PACS1: variants seen among roughly 807,000 people sequenced by gnomAD.
The protein encoded by PACS1 is PACS-1.
Under a neutral mutation model 115.0 loss-of-function variants are expected in PACS1, and 24 were observed. That is an observed-to-expected ratio of 0.21 (90% CI 0.15 to 0.29). The LOEUF (loss-of-function observed/expected upper bound fraction) is 0.29, where lower values mean the gene tolerates loss of function less well. Among genes scored for constraint, PACS1 ranks in the 10% least tolerant of loss-of-function variants. The pLI is 1.00. For missense variants in PACS1, 838 were observed against 1,251.2 expected (o/e 0.67, Z 4.98); for synonymous variants, 453 against 504.5 (o/e 0.90, Z 1.37).
chr11:66,202,840 T>G (rs1432310101), intron 2 of PACS1, among the ~76,000 whole-genome samples: 1 of 141,540 alleles, frequency 7.1e-6, no homozygotes, highest in Non-Finnish European at 1.5e-5. Flanking sequence ...CCTCAAAAAA[T>G]GGGTATAAAA....
chr11:66,166,261 C>T (rs1859599438), intron 1 of PACS1, among the ~76,000 whole-genome samples: 1 of 152,146 alleles, frequency 6.6e-6, no homozygotes, highest in Non-Finnish European at 1.5e-5. Context: ...AATTCTCATG[C>T]CTCAGCCTCC....
chr11:66,226,483 A>G (rs762525754), intron 10 of PACS1, among the ~76,000 whole-genome samples: 3 of 152,170 alleles, frequency 2.0e-5, no homozygotes, highest in Non-Finnish European at 1.5e-5. Context: ...GAGGCCAGGG[A>G]TGCTGCCAGA....
At chr11:66,204,483 A>G (rs532798903) in intron 2 of PACS1, among the ~76,000 whole-genome samples, 10 of 152,136 alleles carry the variant, frequency 6.6e-5, no homozygotes, top group Non-Finnish European at 1.5e-4. Context: ...AATAGTATGG[A>G]GTTTCCTCAA....
intron 1 of PACS1, among the ~76,000 whole-genome samples, chr11:66,097,303 A>T (rs1426054641): frequency 1.3e-5 from 2 of 152,036 alleles, no homozygotes; most frequent in South Asian, 2.1e-4. Context: ...TCCCAGTCAG[A>T]TCGTAATGCT....
chr11:66,105,016 G>A (rs1858003126), intron 1 of PACS1, among the ~76,000 whole-genome samples: 1 of 152,128 alleles, frequency 6.6e-6, no homozygotes, highest in Non-Finnish European at 1.5e-5. Context: ...GGGGGAACAA[G>A]GATGATATAT....
chr11:66,136,387 T>C (rs569236428), intron 1 of PACS1, among the ~76,000 whole-genome samples: 2 of 150,350 alleles, frequency 1.3e-5, no homozygotes, highest in African/African-American at 4.9e-5. Flanking sequence ...TATTCCTGAG[T>C]GCAGGAGTTA....
intron 1 of PACS1, among the ~76,000 whole-genome samples, chr11:66,180,155 T>C (rs374842365): frequency 4.9e-4 from 74 of 152,164 alleles, no homozygotes; most frequent in African/African-American, 1.6e-3. Flanking sequence ...TTTTTATATT[T>C]TAATTTGATA....
At chr11:66,159,259 G>T (rs1859434943) in intron 1 of PACS1, among the ~76,000 whole-genome samples, 1 of 152,136 alleles carries the variant, frequency 6.6e-6, no homozygotes, top group South Asian at 2.1e-4. Flanking sequence ...CCAACATGGG[G>T]AAACCCCATC....
At chr11:66,096,867 T>TC (rs1565104787) in intron 1 of PACS1, among the ~76,000 whole-genome samples, 1 of 144,196 alleles carries the variant, frequency 6.9e-6, no homozygotes, top group Non-Finnish European at 1.5e-5. Context: ...CTCTCTCTCT[T>TC]TTTTTTTTTT....
intron 1 of PACS1, among the ~76,000 whole-genome samples, chr11:66,186,660 GCATGTGCC>G (rs774145442): frequency 2.0e-5 from 3 of 152,244 alleles, no homozygotes; most frequent in Non-Finnish European, 4.4e-5. Context: ...GACCAGAACA[GCATGTGCC>G]TCATTATAAG....
At chr11:66,102,740 A>G (rs1857948403) in intron 1 of PACS1, among the ~76,000 whole-genome samples, 2 of 152,190 alleles carry the variant, frequency 1.3e-5, no homozygotes, top group Admixed American at 1.3e-4. Context: ...CTGTAGGAAA[A>G]TTGAGGGAAA....
At chr11:66,092,231 G>A (rs556907814) in intron 1 of PACS1, among the ~76,000 whole-genome samples, 1 of 152,200 alleles carries the variant, frequency 6.6e-6, no homozygotes, top group Admixed American at 6.5e-5. Context: ...GTGTGAGATG[G>A]TATCTCATTG....
At chr11:66,195,952 G>A (rs1156746969) in intron 2 of PACS1, among the ~76,000 whole-genome samples, 2 of 152,206 alleles carry the variant, frequency 1.3e-5, no homozygotes, top group Non-Finnish European at 2.9e-5. Flanking sequence ...TTTTCAGCAT[G>A]TTGACTTTTG....
chr11:66,098,280 A>ATG lies in PACS1; in HGVS notation c.356+27452_356+27453dup, dbSNP rs148339073. On this transcript the variant is annotated intron_variant, in intron 1 of 23. Transcript: ENST00000320580. ...TATGACGGGTTAAGTTCTTTATCAG[A>ATG]TGTGTGTGTGTGTGTCTCTGCATGA... 2.7e-3 allele frequency among the ~76,000 whole-genome samples: 406 copies of ATG among 151,686 alleles called. 1 individual carries two copies. Among genetic ancestry groups the ATG allele is most frequent in the South Asian group, 5.0e-3 (24 of 4,792 alleles).
At chr11:66,128,278 A>G (rs1429050707) in intron 1 of PACS1, among the ~76,000 whole-genome samples, 1 of 152,248 alleles carries the variant, frequency 6.6e-6, no homozygotes, top group Non-Finnish European at 1.5e-5. Flanking sequence ...GAGGAAATTT[A>G]TCTTATATTG....
chr11:66,111,102 C>T (rs1406793174), intron 1 of PACS1, among the ~76,000 whole-genome samples: 4 of 152,176 alleles, frequency 2.6e-5, no homozygotes, highest in East Asian at 1.9e-4. Context: ...TAGCCCACTA[C>T]GCACCTAGGC....
intron 1 of PACS1, among the ~76,000 whole-genome samples, chr11:66,134,806 A>C (rs1858806358): frequency 6.6e-6 from 1 of 151,742 alleles, no homozygotes; most frequent in Non-Finnish European, 1.5e-5. Flanking sequence ...CCCAGCAATT[A>C]CTCACTTTTA....
chr11:66,238,812 G>A lies in PACS1; in HGVS notation c.2259G>A (p.Lys753=), dbSNP rs1297222133. 3.8e-6 allele frequency: 6 copies of A among 1,588,396 alleles called. No homozygotes were observed. The East Asian group carries it at 9.1e-5, about 24-fold the overall frequency. ...QKFIPFIGVV[K]VGLVEDSPST... is the part of the protein sequence containing the mutation. ...CTCTTCTCTCCTTGCAGGTGGTGAAGGTGGGTCTGGTTGAAGACTCTCCCT... is the reference window on the plus strand; with the variant it reads ...CTCTTCTCTCCTTGCAGGTGGTGAAAGTGGGTCTGGTTGAAGACTCTCCCT... The change falls in exon 20 of 24, where the codon AAG becomes AAA. Residue 753 remains lysine (K), a synonymous_variant. Coordinates refer to ENST00000320580, the MANE Select transcript of PACS1 (RefSeq NM_018026.4).
intron 20 of PACS1, 105 bp downstream of exon 20, chr11:66,238,951 T>C: frequency 7.2e-7 from 1 of 1,384,036 alleles, no homozygotes; most frequent in Non-Finnish European, 1.0e-6. Flanking sequence ...CTGAGGGAAG[T>C]CAGAGCTTGA....
Sources: gnomAD v4.1 joint callset for allele counts (sites outside exome capture counted in the v4.1 genomes callset) on GRCh38, gnomAD v4.1.1 for gene constraint, MANE v1.5 for transcripts, NCBI Gene and HGNC (gene_info 2026-07-23, HGNC 2026-07-21) for gene names.